CYP27C1: variants seen among roughly 807,000 people sequenced by gnomAD.
CYP27C1 encodes the protein cytochrome P450 family 27 subfamily C member 1.
Under a neutral mutation model 40.6 loss-of-function variants are expected in CYP27C1, and 29 were observed. The observed-to-expected ratio is 0.71, with a 90% CI of 0.53 to 0.97. The LOEUF (loss-of-function observed/expected upper bound fraction) is 0.97, where lower values mean the gene tolerates loss of function less well. Ranked by LOEUF, CYP27C1 falls within the 50% of genes least tolerant of loss-of-function variation. CYP27C1 has a pLI of 0.00. For synonymous variants in CYP27C1, 198 were observed against 186.8 expected (o/e 1.06, Z -0.49); for missense variants, 390 against 485.8 (o/e 0.80, Z 1.85).
chr2:127,199,964 T>TTCAAA (rs1393828713), intron 4 of CYP27C1, among the ~76,000 whole-genome samples: 1 of 152,206 alleles, frequency 6.6e-6, no homozygotes, highest in African/African-American at 2.4e-5. Flanking sequence ...GACTTCTATA[T>TTCAAA]TCAAATAAAT....
rs773144741 is a variant in CYP27C1 at position 127,193,132 on chromosome 2, T to C, written c.1459A>G (p.Arg487Gly). 4 of 1,614,060 alleles carry C rather than the reference T, an allele frequency of 2.5e-6. No homozygotes were observed. Among genetic ancestry groups the C allele is most frequent in the Non-Finnish European group, 3.4e-6 (4 of 1,180,048 alleles). ...GHGVRSCIGR[R>G]IAELEIHLVV... The stretch of plus-strand genomic sequence containing the variant: ...AGGTGAATCTCCAGTTCTGCAATTC[T>C]CCGCCCTATGCAGCTGCGAACCCCA... The change falls in exon 8 of 9, where the codon AGA becomes GGA. Residue 487 changes from arginine (R) to glycine (G), a missense_variant. Coordinates refer to ENST00000664447, the MANE Select transcript of CYP27C1 (RefSeq NM_001367502.1).
intron 3 of CYP27C1, among the ~76,000 whole-genome samples, chr2:127,202,765 A>T (rs1454500838): frequency 6.6e-6 from 1 of 152,068 alleles, no homozygotes; most frequent in Non-Finnish European, 1.5e-5. Context: ...TGAACATGTA[A>T]ATTAGTAATT....
At chr2:127,216,558 T>TG (rs34356938) in intron 1 of CYP27C1, among the ~76,000 whole-genome samples, 6 of 152,036 alleles carry the variant, frequency 3.9e-5, no homozygotes, top group African/African-American at 1.4e-4. Context: ...ATAGGAGAGT[T>TG]GGGGGTGATA....
rs1682619970 is a variant in CYP27C1, at chr2:127,186,152, ATCATATTTCCAG to A, written c.*1107_*1118del. On this transcript the variant is annotated 3_prime_UTR_variant, in exon 9 of 9. Transcript: ENST00000664447. This position sits in a 1 kb window ranked among gnomAD's most constrained non-coding sequence, Gnocchi z 4.5. ...AACTTAGGCAACAAAATTTTACGTC[ATCATATTTCCAG>A]TTCTTATACGTCTGCTCTACTCTGT... 1 of 152,170 alleles carries A rather than the reference ATCATATTTCCAG, an allele frequency of 6.6e-6. No individual in the cohort carries two copies. The highest frequency in any genetic ancestry group is 2.1e-4 in the South Asian group (1 of 4,832). 9.4% of individuals were successfully genotyped at this position (152,170 alleles called of 1,614,324 possible).
chr2:127,188,855 T>G (rs1566821), intron 8 of CYP27C1, among the ~76,000 whole-genome samples: 110,636 of 152,000 alleles, frequency 0.73, 40,511 homozygotes, highest in African/African-American at 0.81. Context: ...AAGGGTCAAG[T>G]CTTGCAATGG....
Position 127,193,160 on chromosome 2 carries a change from A to G in CYP27C1, c.1431T>C (p.Gly477=). ...GCCCTATGCAGCTGCGAACCCCATG[A>G]CCAAAGGGGATGGATCCAAAATTGT... ...RVDNFGSIPF[G]HGVRSCIGRR... The change falls in exon 8 of 9, where the codon GGT becomes GGC. Residue 477 remains glycine (G), a synonymous_variant. Transcript: ENST00000664447. The G allele has an allele frequency of 6.2e-7, 1 of 1,614,084 alleles. No homozygotes were observed. The highest frequency in any genetic ancestry group is 1.7e-5 in the Admixed American group (1 of 60,016).
chr2:127,203,082 C>T (rs1286700360), intron 3 of CYP27C1, among the ~76,000 whole-genome samples: 1 of 151,738 alleles, frequency 6.6e-6, no homozygotes, highest in Non-Finnish European at 1.5e-5. Flanking sequence ...GCAGGAGAAT[C>T]GCTTGAACCT....
rs574148302 is a variant in CYP27C1 at position 127,185,789 on chromosome 2, G to C, written c.*1482C>G. On this transcript the variant is annotated 3_prime_UTR_variant, in exon 9 of 9. Coordinates refer to ENST00000664447, the MANE Select transcript of CYP27C1 (RefSeq NM_001367502.1). The surrounding 1 kb of genome is among the most constrained non-coding windows in gnomAD (Gnocchi z 4.9). ...AAAGTAATTTTTGGAGAAGGATTAT[G>C]TAAAAGGAATTACAGAATTGGGAAT... 1 of 152,338 alleles carries C rather than the reference G, an allele frequency of 6.6e-6. No homozygotes were observed. Among genetic ancestry groups the C allele is most frequent in the South Asian group, 2.1e-4 (1 of 4,828 alleles). 9.4% of individuals were successfully genotyped at this position (152,338 alleles called of 1,614,324 possible). A position where few individuals can be genotyped will look rare whatever the true frequency, so the allele number is the denominator to read the frequency against.
chr2:127,193,005 T>C, intron 8 of CYP27C1, 89 bp downstream of exon 8: 2 of 1,511,680 alleles, frequency 1.3e-6, no homozygotes, highest in South Asian at 2.4e-5. Context: ...CAAAACCGTC[T>C]TTGCTTTTCA....
chr2:127,188,823 G>A (rs986181569), intron 8 of CYP27C1, among the ~76,000 whole-genome samples: 2 of 152,102 alleles, frequency 1.3e-5, no homozygotes, highest in Non-Finnish European at 2.9e-5. Context: ...ATAATTAAGA[G>A]TCAGACAGGG....
intron 5 of CYP27C1, among the ~76,000 whole-genome samples, chr2:127,198,762 G>A (rs1043648493): frequency 6.6e-6 from 1 of 152,158 alleles, no homozygotes; most frequent in Non-Finnish European, 1.5e-5. Flanking sequence ...GGAGTAATAG[G>A]CTCTACCGTG....
Position 127,187,204 on chromosome 2 carries a change from G to A in CYP27C1, c.*67C>T, listed in dbSNP as rs1473929618. Reference sequence around the variant, plus strand: ...GCTTTCCTTCTCCACGGTGATCAGCGAACACAAATACCCACTGTGTGTCGG... The same window carrying A: ...GCTTTCCTTCTCCACGGTGATCAGCAAACACAAATACCCACTGTGTGTCGG... On this transcript the variant is annotated 3_prime_UTR_variant, in exon 9 of 9. Coordinates refer to ENST00000664447, the MANE Select transcript of CYP27C1 (RefSeq NM_001367502.1). The A allele has an allele frequency of 5.7e-6, 6 of 1,051,172 alleles. No individual in the cohort carries two copies. In the African/African-American group the frequency reaches 1.6e-4, roughly 28 times the overall value. 65.1% of individuals were successfully genotyped at this position (1,051,172 alleles called of 1,614,324 possible).
At chr2:127,214,756 A>G (rs1419217223) in intron 1 of CYP27C1, among the ~76,000 whole-genome samples, 3 of 138,706 alleles carry the variant, frequency 2.2e-5, no homozygotes, top group Non-Finnish European at 4.6e-5. Flanking sequence ...ACAAACCTGC[A>G]TGTTCTGCAC....
chr2:127,217,716 C>T (rs1350256132), intron 1 of CYP27C1, among the ~76,000 whole-genome samples: 2 of 152,236 alleles, frequency 1.3e-5, no homozygotes, highest in Non-Finnish European at 2.9e-5. Flanking sequence ...CCACCCAACT[C>T]TTTCCATCTG....
Position 127,200,109 on chromosome 2 carries a change from A to G in CYP27C1, c.884-570T>C, listed in dbSNP as rs1682998363. ...ATTCTCCTGCCTCAGCCTCCCAAGT[A>G]GCTGGAATTACAGGCACGCGCCACC... On this transcript the variant is annotated intron_variant, in intron 4 of 8. Coordinates refer to ENST00000664447, the MANE Select transcript of CYP27C1 (RefSeq NM_001367502.1). This position sits in a 1 kb window ranked among gnomAD's most constrained non-coding sequence, Gnocchi z 4.2. Among the ~76,000 whole-genome samples, 1 of 152,176 alleles carries G rather than the reference A, an allele frequency of 6.6e-6. No homozygotes were observed. Among genetic ancestry groups the G allele is most frequent in the Non-Finnish European group, 1.5e-5 (1 of 68,042 alleles).
chr2:127,187,342 C>G lies in CYP27C1; in HGVS notation c.1543G>C (p.Val515Leu). 1 of 1,614,154 alleles carries G rather than the reference C, an allele frequency of 6.2e-7. No individual in the cohort carries two copies. Among genetic ancestry groups the G allele is most frequent in the Non-Finnish European group, 8.5e-7 (1 of 1,180,016 alleles). The change falls in exon 9 of 9, where the codon GTT becomes CTT. Residue 515 changes from valine (V) to leucine (L), a missense_variant. Transcript: ENST00000664447. ...AGGAGCCCGTGGGTTTTTGCATGAA[C>G]AGCATTGGTCTGAGAAGATGTTTTG... ...EIKTSSQTNA[V>L]HAKTHGLLTP...
At chr2:127,202,648 G>A (rs1683064607) in intron 3 of CYP27C1, among the ~76,000 whole-genome samples, 1 of 152,136 alleles carries the variant, frequency 6.6e-6, no homozygotes, top group African/African-American at 2.4e-5. Flanking sequence ...GAACAGGAAT[G>A]TACCACTCAT....
Position 127,219,569 on chromosome 2 carries a change from G to A in CYP27C1, c.282+420C>T, listed in dbSNP as rs1683507763. Reference sequence around the variant, plus strand: ...CCTCCTCCCCAGGGGTCCCGGCTGGGGCCCCTCCAGGGGACCCCTCCCTGC... The same window carrying A: ...CCTCCTCCCCAGGGGTCCCGGCTGGAGCCCCTCCAGGGGACCCCTCCCTGC... On this transcript the variant is annotated intron_variant, in intron 1 of 8. Transcript: ENST00000664447. The surrounding 1 kb of genome is among the most constrained non-coding windows in gnomAD (Gnocchi z 8.7). Among the ~76,000 whole-genome samples, 1 of 151,242 alleles carries A rather than the reference G, an allele frequency of 6.6e-6. No homozygotes were observed. Among genetic ancestry groups the A allele is most frequent in the East Asian group, 2.0e-4 (1 of 5,038 alleles).
In CYP27C1 at chr2:127,209,108, G is replaced by T. The variant is rs1010904573; in HGVS notation, c.283-3018C>A. Among the ~76,000 whole-genome samples, 6 of 152,160 alleles carry T rather than the reference G, an allele frequency of 3.9e-5. No homozygotes were observed. Among genetic ancestry groups the T allele is most frequent in the Non-Finnish European group, 7.4e-5 (5 of 68,026 alleles). ...ACAGAAGCAATCCTACTGGCATCAG[G>T]TTGATGCCCCTTGAGGTCAGAGGTC... On this transcript the variant is annotated intron_variant, in intron 1 of 8. Coordinates refer to ENST00000664447, the MANE Select transcript of CYP27C1 (RefSeq NM_001367502.1). The surrounding 1 kb of genome is among the most constrained non-coding windows in gnomAD (Gnocchi z 4.1).
Sources: allele counts gnomAD v4.1 joint callset (sites outside exome capture counted in the v4.1 genomes callset), GRCh38; gene constraint gnomAD v4.1.1; non-coding constraint Gnocchi (gnomAD v3.1); transcripts MANE v1.5; gene names NCBI Gene and HGNC (gene_info 2026-07-23, HGNC 2026-07-21).